Variants in MAGI3 observed in about 807,000 individuals in gnomAD.
The protein encoded by MAGI3 is membrane-associated guanylate kinase, WW and PDZ domain-containing protein 3.
A neutral mutation model predicts 121.8 loss-of-function variants in MAGI3; 43 were observed. The ratio of observed to expected loss-of-function variants is 0.35; its 90% confidence interval spans 0.28 to 0.46. The LOEUF (loss-of-function observed/expected upper bound fraction) is 0.46. Among genes scored for constraint, MAGI3 ranks in the 20% least tolerant of loss-of-function variants. The probability of loss-of-function intolerance (pLI) is 1.00; values close to 1 mark genes in which losing one functional copy is unlikely to be tolerated. For synonymous variants in MAGI3, 553 were observed against 639.3 expected, an observed-to-expected ratio of 0.86 and a Z score of 2.04; for missense variants, 1,547 against 1,797.3, an observed-to-expected ratio of 0.86 and a Z score of 2.52.
At chr1:113,520,589 G>C (rs998714569) in intron 1 of MAGI3, among the ~76,000 whole-genome samples, 4 of 151,640 alleles carry the variant, frequency 2.6e-5, no homozygotes, top group African/African-American at 9.7e-5. Context: ...TTAGTCTCCT[G>C]TTTTCTTACT....
At chr1:113,504,932 T>C (rs1657234314) in intron 1 of MAGI3, among the ~76,000 whole-genome samples, 1 of 152,152 alleles carries the variant, frequency 6.6e-6, no homozygotes, top group Admixed American at 6.5e-5. Flanking sequence ...AAGAAAGATA[T>C]ACAGAAGTAT....
chr1:113,662,446 A>C (rs1397676482), intron 16 of MAGI3, among the ~76,000 whole-genome samples: 1 of 152,062 alleles, frequency 6.6e-6, no homozygotes, highest in African/African-American at 2.4e-5. Context: ...AAAAAACTTA[A>C]ATTATATAAT....
At chr1:113,565,326 A>G (rs889134176) in intron 2 of MAGI3, among the ~76,000 whole-genome samples, 1 of 152,174 alleles carries the variant, frequency 6.6e-6, no homozygotes, top group African/African-American at 2.4e-5. Context: ...ATGTTGTTTC[A>G]TGTAATCTCA....
intron 1 of MAGI3, among the ~76,000 whole-genome samples, chr1:113,512,012 T>C (rs1657639892): frequency 6.6e-6 from 1 of 152,194 alleles, no homozygotes; most frequent in Non-Finnish European, 1.5e-5. Flanking sequence ...TCTTTATTTC[T>C]CTTTAAATGT....
At chr1:113,662,905 C>A (rs1653856012) in intron 16 of MAGI3, among the ~76,000 whole-genome samples, 2 of 152,008 alleles carry the variant, frequency 1.3e-5, no homozygotes, top group Non-Finnish European at 2.9e-5. Flanking sequence ...GGATAGACTT[C>A]ATATACTATA....
chr1:113,606,646 CCTA>C (rs1351528733), intron 6 of MAGI3, among the ~76,000 whole-genome samples: 1 of 151,916 alleles, frequency 6.6e-6, no homozygotes, highest in East Asian at 1.9e-4. Context: ...TTTTGATTTC[CCTA>C]CTAATACTTC....
At chr1:113,420,712 C>T (rs1338895989) in intron 1 of MAGI3, among the ~76,000 whole-genome samples, 1 of 152,202 alleles carries the variant, frequency 6.6e-6, no homozygotes, top group Non-Finnish European at 1.5e-5. Context: ...GTCCGTTCAT[C>T]TGTGTTGAAT....
In MAGI3 at chr1:113,684,007, G is replaced by A. The variant is rs758601731; in HGVS notation, c.4439G>A (p.Arg1480Gln). 9.6e-6 allele frequency: 15 copies of A among 1,559,736 alleles called. No homozygotes were observed. The highest frequency in any genetic ancestry group is 1.7e-4 in the Middle Eastern group (1 of 5,844). The change falls in exon 21 of 21, where the codon CGG becomes CAG. Residue 1480 changes from arginine to glutamine, a missense_variant. Transcript: ENST00000307546. ...VTGTIGMAEK[R>Q]Q ...GGCACTATTGGTATGGCTGAGAAAC[G>A]GCAGTAACCTTTAGTATAAAACAAA...
chr1:113,445,669 A>T (rs768977754), intron 1 of MAGI3, among the ~76,000 whole-genome samples: 1 of 152,202 alleles, frequency 6.6e-6, no homozygotes, highest in Non-Finnish European at 1.5e-5. Context: ...CTTATCACAT[A>T]CCAGGGATCC....
intron 2 of MAGI3, among the ~76,000 whole-genome samples, chr1:113,558,488 G>C (rs1173086772): frequency 6.6e-6 from 1 of 151,982 alleles, no homozygotes; most frequent in Non-Finnish European, 1.5e-5. Flanking sequence ...TCTGAATTAA[G>C]ACAGGCAGAC....
At chr1:113,636,675 G>C (rs943850598) in intron 9 of MAGI3, among the ~76,000 whole-genome samples, 7 of 152,074 alleles carry the variant, frequency 4.6e-5, no homozygotes, top group Non-Finnish European at 8.8e-5. Flanking sequence ...GAATAGGTGT[G>C]GTGTGGTGCT....
At chr1:113,513,576 G>A (rs1657727981) in intron 1 of MAGI3, among the ~76,000 whole-genome samples, 2 of 152,136 alleles carry the variant, frequency 1.3e-5, no homozygotes, top group South Asian at 2.1e-4. Flanking sequence ...CTAGCCATAT[G>A]TAGAAAGCTG....
chr1:113,462,615 A>G (rs1655088790), intron 1 of MAGI3, among the ~76,000 whole-genome samples: 1 of 152,118 alleles, frequency 6.6e-6, no homozygotes, highest in Non-Finnish European at 1.5e-5. Flanking sequence ...TGGGCTTAAT[A>G]CCTGGGTGAT....
intron 2 of MAGI3, among the ~76,000 whole-genome samples, chr1:113,558,235 G>A (rs185623868): frequency 6.6e-6 from 1 of 152,338 alleles, no homozygotes; most frequent in Admixed American, 6.5e-5. Flanking sequence ...AGAGAAGTAG[G>A]CTTTAGAAGA....
chr1:113,635,529 T>C lies in MAGI3; in HGVS notation c.1361-6382T>C, dbSNP rs537420945. Among the ~76,000 whole-genome samples the C allele has an allele frequency of 1.1e-3, 161 of 152,110 alleles. 1 individual carries two copies. The highest frequency in any genetic ancestry group is 3.8e-3 in the African/African-American group (157 of 41,344). On this transcript the variant is annotated intron_variant, in intron 9 of 20. Transcript: ENST00000307546. ...TTCTGTTTATATGCTGGATTACATT[T>C]ACTGATTTGCGTATATTGAACCAGT...
Position 113,390,988 on chromosome 1 carries a change from C to T in MAGI3, c.-46C>T, listed in dbSNP as rs757034655. Reference sequence around the variant, plus strand: ...GCTGAGACGGGGCCGGAGCGGCGCCCCGGCCGCCCGCGCGGGGTCTCCCCC... The same window carrying T: ...GCTGAGACGGGGCCGGAGCGGCGCCTCGGCCGCCCGCGCGGGGTCTCCCCC... On this transcript the variant is annotated 5_prime_UTR_variant, in exon 1 of 21. Coordinates refer to ENST00000307546, the MANE Select transcript of MAGI3 (RefSeq NM_001142782.2). 9 of 1,483,890 alleles carry T rather than the reference C, an allele frequency of 6.1e-6. No homozygotes were observed. The highest frequency in any genetic ancestry group is 1.3e-5 in the South Asian group (1 of 75,862). The allele number at this position is 1,483,890 out of a possible 1,614,324, so 91.9% of individuals were successfully genotyped here. A position where few individuals can be genotyped will look rare whatever the true frequency, so the allele number is the denominator to read the frequency against.
At chr1:113,461,007 T>C (rs1179574584) in intron 1 of MAGI3, among the ~76,000 whole-genome samples, 1 of 152,008 alleles carries the variant, frequency 6.6e-6, no homozygotes, top group Non-Finnish European at 1.5e-5. Flanking sequence ...ATAAAATACC[T>C]GGGACTACAG....
At chr1:113,594,388 C>T in intron 5 of MAGI3, 93 bp from the exon 6 acceptor site, 2 of 717,630 alleles carry the variant, frequency 2.8e-6, no homozygotes, top group Non-Finnish European at 2.1e-6. Flanking sequence ...AATGTTCAAA[C>T]ATCATGTCTT....
chr1:113,639,483 C>A (rs967076507), intron 9 of MAGI3, among the ~76,000 whole-genome samples: 1 of 152,216 alleles, frequency 6.6e-6, no homozygotes, highest in South Asian at 2.1e-4. Context: ...CTCATTGCAA[C>A]CTCCGCCTCC....
Sources: gnomAD v4.1 joint callset for allele counts (sites outside exome capture counted in the v4.1 genomes callset) on GRCh38, gnomAD v4.1.1 for gene constraint, MANE v1.5 for transcripts, NCBI Gene and HGNC (gene_info 2026-07-23, HGNC 2026-07-21) for gene names.